TBCCD1: variants seen among roughly 807,000 people sequenced by gnomAD.
TBCCD1 encodes TBCC domain containing 1, also known as TBCC domain-containing protein 1.
A neutral mutation model predicts 53.4 loss-of-function variants in TBCCD1; 26 were observed. That is an observed-to-expected ratio of 0.49 (90% CI 0.36 to 0.68). The LOEUF (loss-of-function observed/expected upper bound fraction) is 0.68. Among genes scored for constraint, TBCCD1 ranks in the 30% least tolerant of loss-of-function variants. TBCCD1 has a pLI of 0.00. For synonymous variants in TBCCD1, 245 were observed against 241.7 expected (o/e 1.01, Z -0.13); for missense variants, 558 against 669.5 (o/e 0.83, Z 1.84).
At chr3:186,566,245 G>A (rs1314042152) in intron 1 of TBCCD1, among the ~76,000 whole-genome samples, 1 of 152,032 alleles carries the variant, frequency 6.6e-6, no homozygotes. Context: ...TCACCATGTT[G>A]GCCAGGCTGG....
rs59882959 is a variant in TBCCD1, at chr3:186,551,135, C to A, written c.*15G>T. 2.5e-6 allele frequency: 4 copies of A among 1,606,348 alleles called. No individual in the cohort carries two copies. Among genetic ancestry groups the A allele is most frequent in the Non-Finnish European group, 3.4e-6 (4 of 1,178,340 alleles). On this transcript the variant is annotated 3_prime_UTR_variant, in exon 7 of 8. Transcript: ENST00000338733. ...AAGTGGTATAAATGCCTACCAGTGT[C>A]TGCATGTAAGATCCTTATCCAGCTG...
chr3:186,568,669 G>T (rs988514227), upstream of TBCCD1, among the ~76,000 whole-genome samples: 1 of 152,142 alleles, frequency 6.6e-6, no homozygotes, highest in African/African-American at 2.4e-5. Context: ...GGGAGGCTGA[G>T]GCGGGTGGAT....
rs371733308 is a variant in TBCCD1 at position 186,551,132 on chromosome 3, T to C, written c.*18A>G. ...TTTAAGTGGTATAAATGCCTACCAG[T>C]GTCTGCATGTAAGATCCTTATCCAG... On this transcript the variant is annotated 3_prime_UTR_variant, in exon 7 of 8. Coordinates refer to ENST00000338733, the MANE Select transcript of TBCCD1 (RefSeq NM_018138.5). The C allele has an allele frequency of 1.2e-4, 193 of 1,604,722 alleles. No homozygotes were observed. Among genetic ancestry groups the C allele is most frequent in the Non-Finnish European group, 1.5e-4 (181 of 1,177,900 alleles).
chr3:186,547,860 G>C (rs1054977837), intron 7 of TBCCD1, among the ~76,000 whole-genome samples: 14 of 151,926 alleles, frequency 9.2e-5, no homozygotes, highest in Admixed American at 2.6e-4. Flanking sequence ...ACCCGTCTCG[G>C]CCTCCCGAAG....
chr3:186,566,441 CT>C (rs1714834464), intron 1 of TBCCD1, among the ~76,000 whole-genome samples: 1 of 152,186 alleles, frequency 6.6e-6, no homozygotes, highest in South Asian at 2.1e-4. Flanking sequence ...ATTTTGCATA[CT>C]TCACCTCCTT....
Position 186,556,558 on chromosome 3 carries a change from G to A in TBCCD1, c.710C>T (p.Pro237Leu), listed in dbSNP as rs746800725. The A allele has an allele frequency of 6.2e-7, 1 of 1,614,100 alleles. No individual in the cohort carries two copies. Among genetic ancestry groups the A allele is most frequent in the Non-Finnish European group, 8.5e-7 (1 of 1,180,010 alleles). The change falls in exon 4 of 8, where the codon CCA (proline) becomes CTA (leucine). Residue 237 changes from proline to leucine, a missense_variant. Coordinates refer to ENST00000338733, the MANE Select transcript of TBCCD1 (RefSeq NM_018138.5). ...YPLHELALWQ[P>L]LHADSGFSKI... ...TGAGAAGCCACTATCTGCATGCAGT[G>A]GTTGCCACAGTGCAAGTTCATGAAG...
chr3:186,560,366 C>T (rs1009069075), intron 2 of TBCCD1, among the ~76,000 whole-genome samples: 16 of 152,138 alleles, frequency 1.1e-4, no homozygotes, highest in Admixed American at 5.9e-4. Flanking sequence ...ATTTCCAAAA[C>T]GTTGTTTAGA....
intron 2 of TBCCD1, among the ~76,000 whole-genome samples, chr3:186,563,261 C>G (rs1289460939): frequency 1.3e-5 from 2 of 152,238 alleles, no homozygotes; most frequent in Non-Finnish European, 2.9e-5. Context: ...TTACTATAAT[C>G]AGCCTACTTG....
At chr3:186,552,920 G>A (rs2108455445) in intron 6 of TBCCD1, among the ~76,000 whole-genome samples, 1 of 152,288 alleles carries the variant, frequency 6.6e-6, no homozygotes, top group African/African-American at 2.4e-5. Flanking sequence ...AGGAAATGAG[G>A]AAAAGAACGG....
At position 186,548,080 on chromosome 3, in the gene TBCCD1, A is replaced by G. The variant is rs1358374134; in HGVS notation, c.*22-1125T>C. Among the ~76,000 whole-genome samples the G allele has an allele frequency of 3.3e-5, 5 of 152,244 alleles. No homozygotes were observed. The East Asian group carries it at 9.6e-4, about 29-fold the overall frequency. On this transcript the variant is annotated intron_variant, in intron 7 of 7. Coordinates refer to ENST00000338733, the MANE Select transcript of TBCCD1 (RefSeq NM_018138.5). ...CAAAAACTTGTACACAAATGTACAC[A>G]GCAGCATTACTCACAACAGCTGAAA... is the stretch of plus-strand genomic sequence containing the variant.
chr3:186,562,364 G>T (rs957414523), intron 2 of TBCCD1, among the ~76,000 whole-genome samples: 2 of 152,128 alleles, frequency 1.3e-5, no homozygotes, highest in Non-Finnish European at 2.9e-5. Flanking sequence ...GAAAGAGAGA[G>T]AAATCCTGCC....
At chr3:186,570,433 G>C, upstream of TBCCD1, 1 of 476,834 alleles carries the variant, frequency 2.1e-6, no homozygotes, top group African/African-American at 2.0e-5. Flanking sequence ...GAGGGATTTC[G>C]TGTACCTCAG....
upstream of TBCCD1, among the ~76,000 whole-genome samples, chr3:186,568,622 C>T (rs930024015): frequency 3.3e-5 from 5 of 152,048 alleles, no homozygotes; most frequent in Non-Finnish European, 5.9e-5. Flanking sequence ...AATAGGAGGC[C>T]GGGCGTGGTG....
intron 2 of TBCCD1, among the ~76,000 whole-genome samples, chr3:186,561,039 AG>A (rs1485712772): frequency 6.6e-6 from 1 of 152,242 alleles, no homozygotes; most frequent in Non-Finnish European, 1.5e-5. Flanking sequence ...ATAAGGAAAA[AG>A]CTCCTTGACA....
At chr3:186,558,182 C>T (rs979340268) in intron 3 of TBCCD1, among the ~76,000 whole-genome samples, 27 of 152,164 alleles carry the variant, frequency 1.8e-4, no homozygotes, top group African/African-American at 6.5e-4. Flanking sequence ...TGATGATCTG[C>T]CCACAAATCA....
chr3:186,557,192 T>C (rs1714568645), intron 3 of TBCCD1, among the ~76,000 whole-genome samples: 1 of 152,238 alleles, frequency 6.6e-6, no homozygotes, highest in African/African-American at 2.4e-5. Context: ...AGTCACCATT[T>C]ATTGGTGCTT....
Position 186,554,755 on chromosome 3 carries a change from A to T in TBCCD1, c.1047-4T>A, listed in dbSNP as rs757406854. 2 of 1,606,402 alleles carry T rather than the reference A, an allele frequency of 1.2e-6. No individual in the cohort carries two copies. The highest frequency in any genetic ancestry group is 1.7e-6 in the Non-Finnish European group (2 of 1,178,224). The stretch of plus-strand genomic sequence containing the variant: ...GCACTTCTCAATTGTCACAGATCTG[A>T]AAAAAGGAAAAAATGAGGTAAAGTC... On this transcript the variant is annotated splice_polypyrimidine_tract_variant and splice_region_variant and intron_variant, in intron 5 of 7. Transcript: ENST00000338733.
chr3:186,568,587 A>C (rs927677697), upstream of TBCCD1, among the ~76,000 whole-genome samples: 1 of 152,146 alleles, frequency 6.6e-6, no homozygotes, highest in African/African-American at 2.4e-5. Context: ...TTCAGTGTGT[A>C]AGTCTAGGGA....
chr3:186,565,213 C>T (rs750001248), intron 1 of TBCCD1, among the ~76,000 whole-genome samples: 4 of 149,978 alleles, frequency 2.7e-5, no homozygotes, highest in African/African-American at 7.4e-5. Flanking sequence ...CAGGTTCAAG[C>T]GATTCTCATG....
Sources: allele counts gnomAD v4.1 joint callset (sites outside exome capture counted in the v4.1 genomes callset), GRCh38; gene constraint gnomAD v4.1.1; transcripts MANE v1.5; gene names NCBI Gene and HGNC (gene_info 2026-07-23, HGNC 2026-07-21).